The following ADARB2 variants were observed in gnomAD, a reference collection of about 807,000 sequenced individuals.
ADARB2 encodes adenosine deaminase RNA specific B2 (inactive).
ADARB2 carries 25 observed loss-of-function variants against 62.2 expected under a neutral mutation model. The ratio of observed to expected loss-of-function variants is 0.40; its 90% CI spans 0.29 to 0.56. The LOEUF (loss-of-function observed/expected upper bound fraction) is 0.56. ADARB2 is among the 20% of genes least tolerant of loss of function. The pLI is 0.43. For missense variants in ADARB2, 1,071 were observed against 1,077.4 expected (o/e 0.99, Z 0.08); for synonymous variants, 572 against 500.8 (o/e 1.14, Z -1.90).
chr10:1,291,394 C>T (rs965746542), intron 3 of ADARB2: 5 of 152,212 alleles, frequency 3.3e-5, no homozygotes, highest in Admixed American at 6.5e-5. Context: ...GCCTGGGTGC[C>T]GCTGCTGAGC....
chr10:1,726,732 C>T (rs1260489586), intron 1 of ADARB2, among the ~76,000 whole-genome samples: 1 of 152,156 alleles, frequency 6.6e-6, no homozygotes, highest in Non-Finnish European at 1.5e-5. Context: ...CCTGGCTCTC[C>T]GTAGATGGGG....
intron 1 of ADARB2, among the ~76,000 whole-genome samples, chr10:1,528,932 C>A (rs554138969): frequency 6.6e-6 from 1 of 152,098 alleles, no homozygotes; most frequent in African/African-American, 2.4e-5. Context: ...TGGTCTGTCC[C>A]TTCCTAGGTT....
chr10:1,452,170 C>T (rs913762507), intron 1 of ADARB2, among the ~76,000 whole-genome samples: 16 of 152,118 alleles, frequency 1.1e-4, no homozygotes, highest in African/African-American at 2.9e-4. Context: ...TAGTTTGATC[C>T]GAGACAGCAG....
intron 1 of ADARB2, among the ~76,000 whole-genome samples, chr10:1,629,894 G>C (rs1645085562): frequency 6.6e-6 from 1 of 152,060 alleles, no homozygotes; most frequent in Admixed American, 6.5e-5. Flanking sequence ...GCGAGACACA[G>C]AGAATGCGGG....
chr10:1,323,231 A>G (rs1361737241), intron 3 of ADARB2, among the ~76,000 whole-genome samples: 3 of 146,408 alleles, frequency 2.0e-5, no homozygotes, highest in Non-Finnish European at 3.0e-5. Context: ...CACAGATTCT[A>G]TGGGATACTT....
At chr10:1,268,237 A>G (rs940494323) in intron 4 of ADARB2, among the ~76,000 whole-genome samples, 1 of 152,200 alleles carries the variant, frequency 6.6e-6, no homozygotes, top group African/African-American at 2.4e-5. Context: ...AAAATTTGAA[A>G]TGGTTAGAGG....
At chr10:1,365,410 T>C (rs376299371) in intron 2 of ADARB2, among the ~76,000 whole-genome samples, 17 of 152,186 alleles carry the variant, frequency 1.1e-4, no homozygotes, top group Admixed American at 1.1e-3. Flanking sequence ...ATATTGAAAT[T>C]AGGCCACTGA....
chr10:1,221,988 C>T (rs1447966390), intron 6 of ADARB2, among the ~76,000 whole-genome samples: 1 of 152,184 alleles, frequency 6.6e-6, no homozygotes, highest in African/African-American at 2.4e-5. Flanking sequence ...TGAGGAATGA[C>T]CACACTGACT....
At chr10:1,257,825 T>C (rs1460937832) in intron 4 of ADARB2, among the ~76,000 whole-genome samples, 1 of 152,130 alleles carries the variant, frequency 6.6e-6, no homozygotes, top group Admixed American at 6.5e-5. Flanking sequence ...TATCACCTAA[T>C]GCAGATGGAC....
chr10:1,416,119 C>T (rs1832799200), intron 1 of ADARB2, among the ~76,000 whole-genome samples: 1 of 152,232 alleles, frequency 6.6e-6, no homozygotes, highest in South Asian at 2.1e-4. Context: ...TTGTGATTGC[C>T]TGTCTTATTT....
rs140504801 is a variant in ADARB2 at position 1,668,210 on chromosome 10, C to T, written c.100+68841G>A. Reference sequence around the variant, plus strand: ...TGGACTTGGGTTCAGTCTCTCTCTCCGGTTGCAATAGTTTTGAGTGAAGTC... The same window carrying T: ...TGGACTTGGGTTCAGTCTCTCTCTCTGGTTGCAATAGTTTTGAGTGAAGTC... On this transcript the variant is annotated intron_variant, in intron 1 of 9. Coordinates refer to ENST00000381312, the MANE Select transcript of ADARB2 (RefSeq NM_018702.4). Among the ~76,000 whole-genome samples, 59 of 152,330 alleles carry T rather than the reference C, an allele frequency of 3.9e-4. 1 individual carries two copies. In the East Asian group the frequency reaches 8.1e-3, roughly 21 times the overall value.
At chr10:1,384,652 T>G (rs1362646682) in intron 1 of ADARB2, among the ~76,000 whole-genome samples, 1 of 152,166 alleles carries the variant, frequency 6.6e-6, no homozygotes, top group Non-Finnish European at 1.5e-5. Context: ...GCTCCACAAC[T>G]TCCCACCTGG....
chr10:1,637,424 C>A (rs1485831344), intron 1 of ADARB2, among the ~76,000 whole-genome samples: 2 of 152,160 alleles, frequency 1.3e-5, no homozygotes, highest in African/African-American at 4.8e-5. Flanking sequence ...TCTAATGAAA[C>A]CCATTATACT....
chr10:1,501,859 A>C (rs1028771550), intron 1 of ADARB2, among the ~76,000 whole-genome samples: 3 of 152,234 alleles, frequency 2.0e-5, no homozygotes, highest in Non-Finnish European at 4.4e-5. Context: ...TGTTTCAACT[A>C]AGGACAAAGC....
At chr10:1,711,935 A>C (rs1307449685) in intron 1 of ADARB2, among the ~76,000 whole-genome samples, 2 of 152,228 alleles carry the variant, frequency 1.3e-5, no homozygotes, top group Admixed American at 1.3e-4. Flanking sequence ...AAGCATCCTG[A>C]TAAGAAATTA....
chr10:1,220,742 A>G (rs180726196), intron 6 of ADARB2, among the ~76,000 whole-genome samples: 9 of 152,244 alleles, frequency 5.9e-5, no homozygotes, highest in Admixed American at 2.6e-4. Flanking sequence ...AAAGTTGCCT[A>G]TTATATTGTA....
intron 1 of ADARB2, among the ~76,000 whole-genome samples, chr10:1,492,913 C>G (rs369659447): frequency 6.6e-6 from 1 of 152,140 alleles, no homozygotes; most frequent in Non-Finnish European, 1.5e-5. Context: ...GCTGCTGACA[C>G]GGAGCTCAGG....
chr10:1,717,288 G>A (rs1370525018), intron 1 of ADARB2, among the ~76,000 whole-genome samples: 2 of 148,742 alleles, frequency 1.3e-5, no homozygotes, highest in African/African-American at 5.0e-5. Flanking sequence ...TGTGTATTTG[G>A]TTGCACAGGG....
chr10:1,651,955 G>T (rs997271054), intron 1 of ADARB2, among the ~76,000 whole-genome samples: 7 of 152,080 alleles, frequency 4.6e-5, no homozygotes, highest in Non-Finnish European at 8.8e-5. Context: ...ATCAGTTCTT[G>T]AGAAAAACGA....
Sources: gnomAD v4.1 joint callset for allele counts (sites outside exome capture counted in the v4.1 genomes callset) on GRCh38, gnomAD v4.1.1 for gene constraint, MANE v1.5 for transcripts, NCBI Gene and HGNC (gene_info 2026-07-23, HGNC 2026-07-21) for gene names.